Variants in IQUB observed in about 807,000 individuals in gnomAD.
IQUB encodes the protein IQ motif and ubiquitin domain containing.
A neutral mutation model predicts 86.4 loss-of-function variants in IQUB; 86 were observed. The ratio of observed to expected loss-of-function variants is 1.00; its 90% CI spans 0.84 to 1.19. The LOEUF (loss-of-function observed/expected upper bound fraction) is 1.19, where lower values mean the gene tolerates loss of function less well. Ranked by LOEUF, IQUB falls within the 50% of genes most tolerant of loss-of-function variation. The pLI is 0.00. For missense variants in IQUB, 946 were observed against 916.9 expected, an observed-to-expected ratio of 1.03 and a Z score of -0.41; for synonymous variants, 289 against 304.5, an observed-to-expected ratio of 0.95 and a Z score of 0.53.
chr7:123,462,913 A>T, intron 10 of IQUB: 1 of 443,228 alleles, frequency 2.3e-6, no homozygotes, highest in South Asian at 1.6e-5. Context: ...ACAGAATTAA[A>T]CTCTACAAAT....
chr7:123,504,531 T>C (rs1562863431), intron 3 of IQUB, among the ~76,000 whole-genome samples: 1 of 151,598 alleles, frequency 6.6e-6, no homozygotes, highest in Non-Finnish European at 1.5e-5. Context: ...CTCAGGAAAA[T>C]GTGGCAGAAG....
At chr7:123,496,998 C>T (rs1011469261) in intron 6 of IQUB, 92 bp from the exon 7 acceptor site, 1 of 743,198 alleles carries the variant, frequency 1.3e-6, no homozygotes, top group African/African-American at 1.8e-5. Context: ...ATTCCAATTC[C>T]ACAACAAAAT....
chr7:123,503,209 G>A lies in IQUB; in HGVS notation c.687C>T (p.Val229=), dbSNP rs1175579428. 6.2e-7 allele frequency: 1 copy of A among 1,611,230 alleles called. No individual in the cohort carries two copies. The highest frequency in any genetic ancestry group is 1.1e-5 in the South Asian group (1 of 90,496). ...AGACATCAAATAACGAACCAGTTTG[G>A]ACAGTGACAGTTATGATTTGAGAGA... ...TDVSQIITVT[V]QTGLDQYQQV... is the part of the protein sequence containing the mutation. The change falls in exon 4 of 13, where the codon GTC becomes GTT. Residue 229 remains valine (V), a synonymous_variant. Transcript: ENST00000324698.
chr7:123,520,811 GCTGA>G (rs1174817991), intron 1 of IQUB, among the ~76,000 whole-genome samples: 1 of 152,090 alleles, frequency 6.6e-6, no homozygotes, highest in African/African-American at 2.4e-5. Flanking sequence ...GATGAGAAGT[GCTGA>G]CTGGATTCTG....
intron 7 of IQUB, among the ~76,000 whole-genome samples, chr7:123,488,528 G>A (rs1222789023): frequency 5.9e-5 from 9 of 152,146 alleles, no homozygotes; most frequent in Admixed American, 5.9e-4. Flanking sequence ...GGCCATGGAA[G>A]AAGTGAACAG....
intron 10 of IQUB, among the ~76,000 whole-genome samples, chr7:123,464,547 C>T (rs1794158515): frequency 6.6e-6 from 1 of 151,780 alleles, no homozygotes; most frequent in Non-Finnish European, 1.5e-5. Context: ...TGTACAAAGC[C>T]ATGGAGGCGT....
In IQUB at chr7:123,496,814, T is replaced by G; in HGVS notation, c.1116A>C (p.Glu372Asp). 1 of 1,612,844 alleles carries G rather than the reference T, an allele frequency of 6.2e-7. No homozygotes were observed. The highest frequency in any genetic ancestry group is 8.5e-7 in the Non-Finnish European group (1 of 1,179,280). The change falls in exon 7 of 13, where the codon GAA becomes GAC. Residue 372 changes from glutamate to aspartate, a missense_variant. Coordinates refer to ENST00000324698, the MANE Select transcript of IQUB (RefSeq NM_178827.5). ...RRQKSLRLEW[E>D]TQQELRKIRE... ...TTATCTTCCTTAGTTCTTGCTGTGT[T>G]TCCCATTCCAGTCTTAAGCTTTTCT...
At chr7:123,465,554 AAAGT>A (rs1352742986) in intron 9 of IQUB, among the ~76,000 whole-genome samples, 1 of 151,998 alleles carries the variant, frequency 6.6e-6, no homozygotes, top group Non-Finnish European at 1.5e-5. Context: ...TATTTTTTAT[AAAGT>A]AATAGAAATG....
intron 1 of IQUB, among the ~76,000 whole-genome samples, chr7:123,529,736 A>AAAAAAAC (rs1797431668): frequency 6.8e-6 from 1 of 146,770 alleles, no homozygotes; most frequent in Non-Finnish European, 1.5e-5. Context: ...AAAAAAAAAA[A>AAAAAAAC]AAAAAAAAAA....
intron 1 of IQUB, among the ~76,000 whole-genome samples, chr7:123,521,421 T>A (rs1454703268): frequency 6.6e-6 from 1 of 152,082 alleles, no homozygotes; most frequent in Admixed American, 6.6e-5. Flanking sequence ...GGTGGTCAGA[T>A]CTCTCGAGCC....
At chr7:123,503,872 C>A (rs781233997) in intron 3 of IQUB, among the ~76,000 whole-genome samples, 6 of 151,818 alleles carry the variant, frequency 4.0e-5, no homozygotes, top group African/African-American at 1.5e-4. Context: ...AGAAGGAATT[C>A]GGCATTATAA....
At chr7:123,486,084 T>C (rs910868731) in intron 7 of IQUB, among the ~76,000 whole-genome samples, 1 of 152,110 alleles carries the variant, frequency 6.6e-6, no homozygotes. Context: ...AAGGAGTCCA[T>C]CTCCTGGACA....
chr7:123,531,147 A>C (rs1422539472), intron 1 of IQUB, among the ~76,000 whole-genome samples: 1 of 152,174 alleles, frequency 6.6e-6, no homozygotes, highest in East Asian at 1.9e-4. Flanking sequence ...CAAAGCCCTA[A>C]TGCATAGTCT....
At chr7:123,497,094 C>T (rs1424682420) in intron 6 of IQUB, among the ~76,000 whole-genome samples, 188 bp from the exon 7 acceptor site, 2 of 152,112 alleles carry the variant, frequency 1.3e-5, no homozygotes, top group African/African-American at 2.4e-5. Context: ...TGCTATTTGA[C>T]TTTGACATCT....
At chr7:123,520,640 G>C (rs1796858983) in intron 1 of IQUB, among the ~76,000 whole-genome samples, 1 of 152,174 alleles carries the variant, frequency 6.6e-6, no homozygotes, top group African/African-American at 2.4e-5. Context: ...GTTAAGAAAA[G>C]AGCAATAGAA....
chr7:123,517,530 CAAAAAAAAAAAA>C (rs374712007), intron 1 of IQUB, among the ~76,000 whole-genome samples: 5 of 22,452 alleles, frequency 2.2e-4, no homozygotes, highest in South Asian at 6.5e-3. Flanking sequence ...GACTCCATCT[CAAAAAAAAAAAA>C]AAAAAAAAAA....
intron 1 of IQUB, among the ~76,000 whole-genome samples, chr7:123,526,621 C>T (rs1336366953): frequency 3.3e-5 from 5 of 151,190 alleles, no homozygotes; most frequent in African/African-American, 1.2e-4. Flanking sequence ...TTCCTGAATA[C>T]AGCACACTGA....
intron 3 of IQUB, among the ~76,000 whole-genome samples, chr7:123,506,853 G>A (rs1009222447): frequency 2.6e-5 from 4 of 152,130 alleles, no homozygotes; most frequent in African/African-American, 7.2e-5. Context: ...AGCCAGTTTT[G>A]TGCTAGAAAA....
rs187569515 is a variant in IQUB, at chr7:123,525,095, C to T, written c.-5+9397G>A. Among the ~76,000 whole-genome samples the T allele has an allele frequency of 7.1e-3, 1,080 of 152,220 alleles. 14 individuals are homozygous for T. Among genetic ancestry groups the T allele is most frequent in the African/African-American group, 0.025 (1,021 of 41,518 alleles). On this transcript the variant is annotated intron_variant, in intron 1 of 12. Coordinates refer to ENST00000324698, the MANE Select transcript of IQUB (RefSeq NM_178827.5). ...AAGCTTTTTCATGTGCTGCTGGATTCGGTTTGCCAGTATTTTATTGAAGAT... is the reference window on the plus strand; with the variant it reads ...AAGCTTTTTCATGTGCTGCTGGATTTGGTTTGCCAGTATTTTATTGAAGAT...
Sources: gnomAD v4.1 joint callset for allele counts (sites outside exome capture counted in the v4.1 genomes callset) on GRCh38, gnomAD v4.1.1 for gene constraint, MANE v1.5 for transcripts, NCBI Gene and HGNC (gene_info 2026-07-23, HGNC 2026-07-21) for gene names.